PPP1R1C: variants seen among roughly 807,000 people sequenced by gnomAD.
PPP1R1C encodes the protein protein phosphatase 1 regulatory inhibitor subunit 1C.
In PPP1R1C, 15 loss-of-function variants were observed where a neutral mutation model predicts 17.4. That is an observed-to-expected ratio of 0.86 (90% CI 0.58 to 1.33). The LOEUF (loss-of-function observed/expected upper bound fraction) is 1.33. Ranked by LOEUF, PPP1R1C falls within the 40% of genes most tolerant of loss-of-function variation. The pLI is 0.00. For missense variants in PPP1R1C, 143 were observed against 130.0 expected (o/e 1.10, Z -0.48); for synonymous variants, 35 against 43.1 (o/e 0.81, Z 0.73).
chr2:182,060,534 T>A (rs1295383516), intron 2 of PPP1R1C, among the ~76,000 whole-genome samples: 1 of 152,134 alleles, frequency 6.6e-6, no homozygotes, highest in African/African-American at 2.4e-5. Context: ...TCTATGCATA[T>A]ATATATCACT....
upstream of PPP1R1C, among the ~76,000 whole-genome samples, chr2:181,984,342 A>C (rs1383657511): frequency 1.3e-5 from 2 of 152,188 alleles, no homozygotes; most frequent in Non-Finnish European, 2.9e-5. Flanking sequence ...CATTATGTGA[A>C]GTTTTGTATT....
At chr2:182,066,704 T>C (rs1252698986) in intron 4 of PPP1R1C, among the ~76,000 whole-genome samples, 7 of 152,140 alleles carry the variant, frequency 4.6e-5, no homozygotes, top group Non-Finnish European at 1.5e-5. Context: ...AACAGACTTT[T>C]TCATTATCTT....
chr2:182,086,317 C>T (rs968416560), intron 4 of PPP1R1C, among the ~76,000 whole-genome samples: 2 of 151,964 alleles, frequency 1.3e-5, no homozygotes, highest in African/African-American at 4.8e-5. Flanking sequence ...AAAGTTAAAT[C>T]TCATTTATAA....
intron 1 of PPP1R1C, among the ~76,000 whole-genome samples, chr2:181,970,678 A>G (rs938012292): frequency 6.6e-6 from 1 of 152,162 alleles, no homozygotes; most frequent in African/African-American, 2.4e-5. Context: ...CTCCCTGGCC[A>G]TGGGTGGGTC....
intron 4 of PPP1R1C, among the ~76,000 whole-genome samples, chr2:182,095,017 G>A (rs1177550888): frequency 6.6e-6 from 1 of 152,192 alleles, no homozygotes; most frequent in Non-Finnish European, 1.5e-5. Flanking sequence ...TTGGCCAGGA[G>A]CGGTTGCTCA....
intron 4 of PPP1R1C, among the ~76,000 whole-genome samples, chr2:182,104,925 C>G (rs1388899639): frequency 3.3e-5 from 5 of 152,102 alleles, no homozygotes; most frequent in African/African-American, 1.2e-4. Flanking sequence ...ATTACTGACT[C>G]AATTGCCTTA....
At chr2:182,094,988 C>T (rs756788497) in intron 4 of PPP1R1C, among the ~76,000 whole-genome samples, 5 of 152,126 alleles carry the variant, frequency 3.3e-5, no homozygotes, top group Non-Finnish European at 5.9e-5. Context: ...CTCATGAACC[C>T]CATTTAAGAA....
At chr2:182,123,260 C>T (rs1429740645) in intron 5 of PPP1R1C, among the ~76,000 whole-genome samples, 1 of 152,168 alleles carries the variant, frequency 6.6e-6, no homozygotes, top group Non-Finnish European at 1.5e-5. Flanking sequence ...CATTGATGGA[C>T]ATTTGGGTTG....
chr2:182,093,187 A>G (rs970700430), intron 4 of PPP1R1C, among the ~76,000 whole-genome samples: 2 of 152,182 alleles, frequency 1.3e-5, no homozygotes, highest in African/African-American at 4.8e-5. Flanking sequence ...CAGGCTCAAC[A>G]CCATGTAGAA....
chr2:181,977,593 C>T (rs1416642211), intron 2 of PPP1R1C, among the ~76,000 whole-genome samples: 1 of 152,080 alleles, frequency 6.6e-6, no homozygotes, highest in East Asian at 1.9e-4. Context: ...AAATAGAAAA[C>T]TGTAAGAATA....
At chr2:181,963,383 G>C (rs1229935177) in intron 1 of PPP1R1C, among the ~76,000 whole-genome samples, 1 of 152,224 alleles carries the variant, frequency 6.6e-6, no homozygotes, top group Non-Finnish European at 1.5e-5. Flanking sequence ...GCTTACGCCT[G>C]TAATCCCAGC....
At chr2:182,092,781 G>A (rs1377294041) in intron 4 of PPP1R1C, among the ~76,000 whole-genome samples, 2 of 152,106 alleles carry the variant, frequency 1.3e-5, no homozygotes. Context: ...TCACATCTAG[G>A]TCACACTGAT....
intron 4 of PPP1R1C, among the ~76,000 whole-genome samples, chr2:182,090,706 T>C (rs1688756496): frequency 6.6e-6 from 1 of 152,164 alleles, no homozygotes; most frequent in African/African-American, 2.4e-5. Flanking sequence ...AGTCAGAGAA[T>C]ATTCCAGGTT....
In PPP1R1C at chr2:182,127,324, G is replaced by A. The variant is rs369265947; in HGVS notation, c.*7-1650G>A. ...CTCATTTTACAGGTAGAAAAAGTGAGGCCTAGAGAATTTTTCTTCAAATTT... is the reference window on the plus strand; with the variant it reads ...CTCATTTTACAGGTAGAAAAAGTGAAGCCTAGAGAATTTTTCTTCAAATTT... On this transcript the variant is annotated intron_variant, in intron 5 of 5. Coordinates refer to the PPP1R1C transcript ENST00000280295. Among the ~76,000 whole-genome samples, 91 of 152,062 alleles carry A rather than the reference G, an allele frequency of 6.0e-4. 4 individuals carry two copies. In the South Asian group the frequency reaches 0.018, roughly 30 times the overall value.
intron 4 of PPP1R1C, among the ~76,000 whole-genome samples, chr2:182,090,323 G>C (rs1688746926): frequency 6.6e-6 from 1 of 151,900 alleles, no homozygotes; most frequent in South Asian, 2.1e-4. Context: ...GTGTCAGAGA[G>C]AGACAGAGAG....
intron 1 of PPP1R1C, among the ~76,000 whole-genome samples, chr2:181,963,789 C>CT (rs1684852306): frequency 6.8e-6 from 1 of 146,930 alleles, no homozygotes; most frequent in Non-Finnish European, 1.5e-5. Context: ...TTCTTTTTTG[C>CT]TTGTTTTTTT....
intron 2 of PPP1R1C, chr2:181,975,265 G>A (rs1685077172): frequency 6.7e-6 from 1 of 149,290 alleles, no homozygotes; most frequent in Non-Finnish European, 1.5e-5. Context: ...ATCTAAAAAG[G>A]TAAGACTGGG....
chr2:182,124,411 A>G (rs369445244), intron 5 of PPP1R1C, among the ~76,000 whole-genome samples: 1 of 130,268 alleles, frequency 7.7e-6, no homozygotes, highest in Admixed American at 8.3e-5. Context: ...AGTTTAAAGT[A>G]GTTTTTTTCT....
chr2:182,125,211 G>C (rs1430535710), intron 5 of PPP1R1C, among the ~76,000 whole-genome samples: 1 of 152,120 alleles, frequency 6.6e-6, no homozygotes, highest in African/African-American at 2.4e-5. Context: ...TTATTGATTT[G>C]TGTATGTTGA....
Sources: allele counts gnomAD v4.1 joint callset (sites outside exome capture counted in the v4.1 genomes callset), GRCh38; gene constraint gnomAD v4.1.1; transcripts MANE v1.5; gene names NCBI Gene and HGNC (gene_info 2026-07-23, HGNC 2026-07-21).